The following KCNC4 variants were observed in gnomAD, a reference collection of about 807,000 sequenced individuals.
KCNC4 encodes the protein voltage-gated potassium channel KCNC4.
Under a neutral mutation model 42.8 loss-of-function variants are expected in KCNC4, and 23 were observed. That is an observed-to-expected ratio of 0.54 (90% CI 0.39 to 0.76). The LOEUF is 0.76. Among genes scored for constraint, KCNC4 ranks in the 30% least tolerant of loss-of-function variants. The pLI is 0.00. For missense variants in KCNC4, 751 were observed against 898.2 expected, an observed-to-expected ratio of 0.84 and a Z score of 2.10; for synonymous variants, 422 against 393.5, an observed-to-expected ratio of 1.07 and a Z score of -0.86.
intron 1 of KCNC4, among the ~76,000 whole-genome samples, chr1:110,217,779 G>A (rs1305751051): frequency 6.6e-6 from 1 of 152,140 alleles, no homozygotes; most frequent in East Asian, 1.9e-4. Context: ...GGAGAGGAGG[G>A]GATGTTTCTC....
chr1:110,263,581 C>T (rs1659490220), intron 1 of KCNC4, among the ~76,000 whole-genome samples: 1 of 152,182 alleles, frequency 6.6e-6, no homozygotes, highest in African/African-American at 2.4e-5. Flanking sequence ...CCACTCCAAA[C>T]AGGGTCATCA....
chr1:110,280,553 G>C (rs1298226716), intron 1 of KCNC4, among the ~76,000 whole-genome samples: 2 of 152,090 alleles, frequency 1.3e-5, no homozygotes, highest in Non-Finnish European at 2.9e-5. Context: ...AGAGGCCCAG[G>C]TGAGTCTAGC....
intron 3 of KCNC4, 115 bp from the exon 4 acceptor site, chr1:110,232,796 C>T (rs1658762412): frequency 6.5e-7 from 1 of 1,544,614 alleles, no homozygotes. Flanking sequence ...TCTAACGTCT[C>T]ATTCTTTGTT....
chr1:110,265,766 C>T (rs998664228), intron 1 of KCNC4, among the ~76,000 whole-genome samples: 2 of 152,288 alleles, frequency 1.3e-5, no homozygotes, highest in African/African-American at 4.8e-5. Flanking sequence ...CAGCACTAGA[C>T]CCTCTCCTCC....
At chr1:110,278,789 A>T (rs1659771142) in intron 1 of KCNC4, among the ~76,000 whole-genome samples, 1 of 152,106 alleles carries the variant, frequency 6.6e-6, no homozygotes, top group Non-Finnish European at 1.5e-5. Flanking sequence ...ATCATCATGG[A>T]AGGCATTCCC....
chr1:110,211,491 G>A lies in KCNC4; in HGVS notation c.-9G>A. On this transcript the variant is annotated 5_prime_UTR_variant, in exon 1 of 4. Transcript: ENST00000438661. The surrounding 1 kb of genome is among the most constrained non-coding windows in gnomAD (Gnocchi z 6.5). Reference sequence around the variant, plus strand: ...GGCCGCCCCAAGCCGGAGCCCCGCAGCGCTTCTTATGATCAGCTCGGTGTG... The same window carrying A: ...GGCCGCCCCAAGCCGGAGCCCCGCAACGCTTCTTATGATCAGCTCGGTGTG... 6.2e-7 allele frequency: 1 copy of A among 1,606,968 alleles called. No individual in the cohort carries two copies. Among genetic ancestry groups the A allele is most frequent in the Non-Finnish European group, 8.5e-7 (1 of 1,174,898 alleles).
chr1:110,279,763 C>G (rs1393640046), intron 1 of KCNC4, among the ~76,000 whole-genome samples: 4 of 151,364 alleles, frequency 2.6e-5, no homozygotes, highest in Non-Finnish European at 5.9e-5. Flanking sequence ...TTTTATTATC[C>G]CCTTCCTGGT....
At chr1:110,214,315 G>T (rs867975096) in intron 1 of KCNC4, among the ~76,000 whole-genome samples, 1 of 152,338 alleles carries the variant, frequency 6.6e-6, no homozygotes, top group Admixed American at 6.5e-5. Flanking sequence ...ACCACCCCTA[G>T]TTTCCAGCCT....
At chr1:110,251,354 C>T (rs1396856259), downstream of KCNC4, among the ~76,000 whole-genome samples, 1 of 152,166 alleles carries the variant, frequency 6.6e-6, no homozygotes, top group East Asian at 1.9e-4. Flanking sequence ...ATGCTGTTCT[C>T]ACAATAGTGA....
intron 2 of KCNC4, chr1:110,225,416 A>G (rs1485585312): frequency 1.3e-5 from 2 of 152,424 alleles, no homozygotes; most frequent in African/African-American, 4.8e-5. Context: ...TATCCTCCCC[A>G]GACAAAGGTC....
intron 3 of KCNC4, chr1:110,232,521 G>A: frequency 7.0e-7 from 1 of 1,436,196 alleles, no homozygotes; most frequent in East Asian, 2.5e-5. Flanking sequence ...CAGAGCTATG[G>A]TCCCTTTCTC....
chr1:110,217,403 A>C lies in KCNC4; in HGVS notation c.678+5226A>C, dbSNP rs543897836. On this transcript the variant is annotated intron_variant, in intron 1 of 3. Coordinates refer to ENST00000438661, the MANE Select transcript of KCNC4 (RefSeq NM_001039574.3). ...GAGTCACATTATAAATACATACATA[A>C]ATAAATAAAATTTCCATGTGGGTAG... 5.9e-5 allele frequency among the ~76,000 whole-genome samples: 9 copies of C among 152,262 alleles called. No homozygotes were observed. In the South Asian group the frequency reaches 6.2e-4, roughly 11 times the overall value.
At chr1:110,246,313 T>A (rs1181993863) in exon 4 of KCNC4, 1 of 152,228 alleles carries the variant, frequency 6.6e-6, no homozygotes, top group Non-Finnish European at 1.5e-5. Context: ...ATCACATCTA[T>A]CACTTGGGGT....
At chr1:110,218,443 C>T (rs1003827890) in intron 1 of KCNC4, among the ~76,000 whole-genome samples, 4 of 152,134 alleles carry the variant, frequency 2.6e-5, no homozygotes, top group Non-Finnish European at 5.9e-5. Flanking sequence ...CCTTACCTGA[C>T]CTCTCTATTG....
intron 1 of KCNC4, among the ~76,000 whole-genome samples, chr1:110,259,938 GT>G (rs2101074968): frequency 6.6e-6 from 1 of 152,292 alleles, no homozygotes; most frequent in Admixed American, 6.5e-5. Flanking sequence ...TCCTGTCCAG[GT>G]TCTGTCCTCA....
intron 3 of KCNC4, among the ~76,000 whole-genome samples, chr1:110,229,334 C>T (rs1023718134): frequency 2.6e-5 from 4 of 152,172 alleles, no homozygotes; most frequent in African/African-American, 9.7e-5. Flanking sequence ...GTAGGGGTCC[C>T]TAGCGTTGTA....
Position 110,247,571 on chromosome 1 carries a change from T to TTTTTG in KCNC4, c.*15265_*15266insTGTTT, listed in dbSNP as rs1659178842. ...TTCTTTTTTCTTTTTTTTTTTTTTT[T>TTTTTG]TTTGAGATAGTCTTGCTCTGTCACC... is the stretch of plus-strand genomic sequence containing the variant. On this transcript the variant is annotated 3_prime_UTR_variant, in exon 4 of 4. Coordinates refer to the KCNC4 transcript ENST00000369787. 3 of 150,302 alleles carry TTTTTG rather than the reference T, an allele frequency of 2.0e-5. No homozygotes were observed. In the South Asian group the frequency reaches 6.4e-4, roughly 32 times the overall value. The allele number at this position is 150,302 out of a possible 1,614,324, so 9.3% of individuals were successfully genotyped here.
At chr1:110,270,859 C>T (rs572379061) in intron 1 of KCNC4, among the ~76,000 whole-genome samples, 9 of 152,342 alleles carry the variant, frequency 5.9e-5, no homozygotes, top group African/African-American at 2.2e-4. Flanking sequence ...TGCAGACTGG[C>T]TCTGCGGTGG....
chr1:110,229,559 C>CT (rs2101035156), intron 3 of KCNC4, among the ~76,000 whole-genome samples: 1 of 152,362 alleles, frequency 6.6e-6, no homozygotes, highest in South Asian at 2.1e-4. Flanking sequence ...AGCCCTGCCT[C>CT]TGAGTCACCT....
Sources: gnomAD v4.1 joint callset for allele counts (sites outside exome capture counted in the v4.1 genomes callset) on GRCh38, gnomAD v4.1.1 for gene constraint, Gnocchi (gnomAD v3.1) non-coding constraint, MANE v1.5 for transcripts, NCBI Gene and HGNC (gene_info 2026-07-23, HGNC 2026-07-21) for gene names.